ZNF417: variants seen among roughly 807,000 people sequenced by gnomAD.
ZNF417 encodes zinc finger protein 417.
In ZNF417, 5 loss-of-function variants were observed where a neutral mutation model predicts 7.4. That is an observed-to-expected ratio of 0.68 (90% CI 0.35 to 1.43). ZNF417 has a LOEUF of 1.43. Among genes scored for constraint, ZNF417 ranks in the 40% most tolerant of loss-of-function variants. The pLI, the probability that ZNF417 is intolerant of heterozygous loss-of-function variation, is 0.04. For missense variants in ZNF417, 437 were observed against 697.3 expected, an observed-to-expected ratio of 0.63 and a Z score of 4.20; for synonymous variants, 147 against 239.1, an observed-to-expected ratio of 0.61 and a Z score of 3.55.
Position 57,916,538 on chromosome 19 carries a change from A to G in ZNF417, c.-127T>C. The G allele has an allele frequency of 6.5e-7, 1 of 1,545,906 alleles. No homozygotes were observed. The highest frequency in any genetic ancestry group is 8.7e-7 in the Non-Finnish European group (1 of 1,147,842). On this transcript the variant is annotated 5_prime_UTR_variant, in exon 1 of 3. Coordinates refer to ENST00000312026, the MANE Select transcript of ZNF417 (RefSeq NM_152475.3). ...TCAGTCACCGCGGTCCCCCCCCAGCACTCAGGGGCCACAAACTGGGGAAAC... is the reference window on the plus strand; with the variant it reads ...TCAGTCACCGCGGTCCCCCCCCAGCGCTCAGGGGCCACAAACTGGGGAAAC...
chr19:57,911,236 A>G (rs1415610891), intron 2 of ZNF417, among the ~76,000 whole-genome samples: 3 of 152,246 alleles, frequency 2.0e-5, no homozygotes, highest in Non-Finnish European at 4.4e-5. Context: ...GCTGGGGTGG[A>G]TATCACAGTA....
intron 2 of ZNF417, among the ~76,000 whole-genome samples, 179 bp from the exon 3 acceptor site, chr19:57,910,293 C>A (rs2071889158): frequency 6.6e-6 from 1 of 152,190 alleles, no homozygotes; most frequent in African/African-American, 2.4e-5. Flanking sequence ...CGCCTGTAAT[C>A]CCAGCACTTT....
At position 57,908,628 on chromosome 19, in the gene ZNF417, A is replaced by G. The variant is rs141751108; in HGVS notation, c.1650T>C (p.Cys550=). The G allele has an allele frequency of 1.7e-3, 2,763 of 1,612,256 alleles. 60 individuals are homozygous for G. The highest frequency in any genetic ancestry group is 0.016 in the African/African-American group (1,177 of 74,274). Residue 550 remains cysteine (C), a synonymous_variant, in exon 3 of 3, where the codon TGT becomes TGC. Transcript: ENST00000312026. ...RIHTGERPYE[C]TKCGKTFQRS... ...GCTGAAATGTTTTTCCACATTTGGT[A>G]CATTCATAAGGCCTTTCTCCAGTGT... is the stretch of plus-strand genomic sequence containing the variant.
In ZNF417 at chr19:57,912,115, C is replaced by T; in HGVS notation, c.108G>A (p.Gln36=). ...QEEWCLLSEA[Q]RCLYRDVMLE... ...GCATCACATCACGGTACAAGCACCT[C>T]TGAGCCTCACTAAGAAGACACCACT... Residue 36 remains glutamine (Q), a synonymous_variant, in exon 2 of 3, where the codon CAG becomes CAA. Coordinates refer to ENST00000312026, the MANE Select transcript of ZNF417 (RefSeq NM_152475.3). 6.2e-7 allele frequency: 1 copy of T among 1,612,680 alleles called. No homozygotes were observed.
chr19:57,909,839 A>C lies in ZNF417; in HGVS notation c.439T>G (p.Phe147Val), dbSNP rs202002558. ...QHQKQHIGEK[F>V]YRKSVREASF... The stretch of plus-strand genomic sequence containing the variant: ...GCTTCTCTGACACTCTTTCTGTAGA[A>C]TTTCTCTCCAATATGCTGCTTCTGG... The change falls in exon 3 of 3, where the codon TTC becomes GTC. Residue 147 changes from phenylalanine to valine, a missense_variant. Transcript: ENST00000312026. 506 of 1,524,800 alleles carry C rather than the reference A, an allele frequency of 3.3e-4. 10 individuals carry two copies. The highest frequency in any genetic ancestry group is 4.3e-4 in the Non-Finnish European group (489 of 1,125,562). 94.5% of individuals were successfully genotyped at this position (1,524,800 alleles called of 1,614,324 possible). A position where few individuals can be genotyped will look rare whatever the true frequency, so the allele number is the denominator to read the frequency against.
At chr19:57,916,202 T>C (rs1466969265) in intron 1 of ZNF417, among the ~76,000 whole-genome samples, 177 bp downstream of exon 1, 3 of 144,256 alleles carry the variant, frequency 2.1e-5, no homozygotes, top group Non-Finnish European at 1.5e-5. Flanking sequence ...GTGAACCCAC[T>C]GGACAGTTAC....
rs367761419 is a variant in ZNF417, at chr19:57,910,045, T to C, written c.233A>G (p.Gln78Arg). 8 of 1,534,464 alleles carry C rather than the reference T, an allele frequency of 5.2e-6. No homozygotes were observed. The highest frequency in any genetic ancestry group is 3.9e-5 in the South Asian group (3 of 76,276). The change falls in exon 3 of 3, where the codon CAG becomes CGG. Residue 78 changes from glutamine (Q) to arginine (R), a missense_variant. By Grantham distance (43) the Gln-to-Arg change is conservative (BLOSUM62 1). Transcript: ENST00000312026. The stretch of plus-strand genomic sequence containing the variant: ...AACACCTGCCCTAGGAGTCCTGCTC[T>C]GAGACTCTCTTTGTACAGAAATTCT... ...KQRISVQRES[Q>R]SRTPRAGVSP... is the part of the protein sequence containing the mutation.
In ZNF417 at chr19:57,908,865, T is replaced by C. The variant is rs1395867771; in HGVS notation, c.1413A>G (p.Lys471=). 4 of 1,614,074 alleles carry C rather than the reference T, an allele frequency of 2.5e-6. No individual in the cohort carries two copies. Among genetic ancestry groups the C allele is most frequent in the Non-Finnish European group, 3.4e-6 (4 of 1,180,056 alleles). ...ERPYACEVCG[K]LFGNKNCVTI... is the part of the protein sequence containing the mutation. ...TCACGCAGTTCTTATTACCAAATAA[T>C]TTCCCACATACCTCACACGCATATG... The change falls in exon 3 of 3, where the codon AAA becomes AAG. Residue 471 remains lysine (K), a synonymous_variant. Coordinates refer to ENST00000312026, the MANE Select transcript of ZNF417 (RefSeq NM_152475.3).
In ZNF417 at chr19:57,916,534, C is replaced by A. The variant is rs1226882063; in HGVS notation, c.-123G>T. ...AGGTTCAGTCACCGCGGTCCCCCCC[C>A]AGCACTCAGGGGCCACAAACTGGGG... On this transcript the variant is annotated 5_prime_UTR_variant, in exon 1 of 3. Transcript: ENST00000312026. The A allele has an allele frequency of 1.3e-5, 21 of 1,561,112 alleles. No individual in the cohort carries two copies. The highest frequency in any genetic ancestry group is 1.8e-5 in the Non-Finnish European group (21 of 1,154,472).
At position 57,906,622 on chromosome 19, in the gene ZNF417, G is replaced by A. The variant is rs1449620470; in HGVS notation, c.*1928C>T. On this transcript the variant is annotated 3_prime_UTR_variant, in exon 3 of 3. Transcript: ENST00000312026. Reference sequence around the variant, plus strand: ...CTAAAAATACAAAAATTAGGTGGGCGTGGTGGAGGGAACCTATAGGCCCAG... The same window carrying A: ...CTAAAAATACAAAAATTAGGTGGGCATGGTGGAGGGAACCTATAGGCCCAG... 2.7e-5 allele frequency among the ~76,000 whole-genome samples: 4 copies of A among 150,004 alleles called. No homozygotes were observed. The highest frequency in any genetic ancestry group is 4.4e-5 in the Non-Finnish European group (3 of 67,504).
intron 1 of ZNF417, 147 bp downstream of exon 1, chr19:57,916,232 A>G (rs1018136223): frequency 9.5e-6 from 14 of 1,471,094 alleles, no homozygotes; most frequent in Middle Eastern, 2.3e-4. Flanking sequence ...CCCACTGGAC[A>G]GTTACACAGG....
chr19:57,910,949 G>A (rs1229081496), intron 2 of ZNF417, among the ~76,000 whole-genome samples: 1 of 152,208 alleles, frequency 6.6e-6, no homozygotes, highest in Admixed American at 6.5e-5. Context: ...GGCGGCTGAG[G>A]CAGGAAAATC....
intron 1 of ZNF417, 130 bp downstream of exon 1, chr19:57,916,249 T>G: frequency 6.4e-7 from 1 of 1,550,948 alleles, no homozygotes; most frequent in South Asian, 1.2e-5. Flanking sequence ...CAGGGACCCC[T>G]CCTGCGAGCG....
chr19:57,911,925 A>ACACACACCTTACTCCTACGAAC lies in ZNF417; in HGVS notation c.163+134_163+135insGTTCGTAGGAGTAAGGTGTGTG, dbSNP rs2071901934. ...GTGCTTAAGGAAAGGAAAAGGCAAT[A>ACACACACCTTACTCCTACGAAC]CACACAACTTACATAGAGAAGTGTA... On this transcript the variant is annotated intron_variant, in intron 2 of 2. Transcript: ENST00000312026. 7 of 1,429,432 alleles carry ACACACACCTTACTCCTACGAAC rather than the reference A, an allele frequency of 4.9e-6. No individual in the cohort carries two copies. In the South Asian group the frequency reaches 1.1e-4, roughly 23 times the overall value. 88.5% of individuals were successfully genotyped at this position (1,429,432 alleles called of 1,614,324 possible).
In ZNF417 at chr19:57,909,134, A is replaced by G. The variant is rs1269822147; in HGVS notation, c.1144T>C (p.Cys382Arg). 2 of 1,613,962 alleles carry G rather than the reference A, an allele frequency of 1.2e-6. No individual in the cohort carries two copies. Among genetic ancestry groups the G allele is most frequent in the Non-Finnish European group, 1.7e-6 (2 of 1,180,032 alleles). Residue 382 changes from cysteine (C) to arginine (R), a missense_variant, in exon 3 of 3, where the codon TGT (cysteine) becomes CGT (arginine). Around this residue, in one of 5 missense-constraint regions of ZNF417, gnomAD observed 233 missense variants for 235.5 expected, o/e 0.99. Coordinates refer to ENST00000312026, the MANE Select transcript of ZNF417 (RefSeq NM_152475.3). Reference sequence around the variant, plus strand: ...CCAAAAGATTTTCCACATTCTCCACACTTGTAAGGCCTTTCTCCAGTGTGA... The same window carrying G: ...CCAAAAGATTTTCCACATTCTCCACGCTTGTAAGGCCTTTCTCCAGTGTGA... ...RVHTGERPYKCGECGKSFGQK... is the reference protein window; with the variant it reads ...RVHTGERPYKRGECGKSFGQK...
intron 1 of ZNF417, among the ~76,000 whole-genome samples, chr19:57,916,078 A>G (rs1289505640): frequency 6.6e-6 from 1 of 152,246 alleles, no homozygotes; most frequent in Non-Finnish European, 1.5e-5. Flanking sequence ...GACTGATTTG[A>G]GTAATAATAA....
In ZNF417 at chr19:57,906,572, C is replaced by T. The variant is rs1321538360; in HGVS notation, c.*1978G>A. ...GGTCACAAGTTTGAGACCAGCCTGGCTAACGTAGTGAAAGCCCATCTCTAC... is the reference window on the plus strand; with the variant it reads ...GGTCACAAGTTTGAGACCAGCCTGGTTAACGTAGTGAAAGCCCATCTCTAC... On this transcript the variant is annotated 3_prime_UTR_variant, in exon 3 of 3. Transcript: ENST00000312026. 6.6e-6 allele frequency among the ~76,000 whole-genome samples: 1 copy of T among 151,316 alleles called. No homozygotes were observed. The highest frequency in any genetic ancestry group is 1.5e-5 in the Non-Finnish European group (1 of 67,896).
rs2071824990 is a variant in ZNF417, at chr19:57,906,153, A to T, written c.*2397T>A. Among the ~76,000 whole-genome samples, 1 of 151,946 alleles carries T rather than the reference A, an allele frequency of 6.6e-6. No individual in the cohort carries two copies. The highest frequency in any genetic ancestry group is 2.1e-4 in the South Asian group (1 of 4,818). ...TTTACACCACAAGAGACAGACACATACTCTTCAGGGTGTATGGTCATAATT... is the reference window on the plus strand; with the variant it reads ...TTTACACCACAAGAGACAGACACATTCTCTTCAGGGTGTATGGTCATAATT... On this transcript the variant is annotated 3_prime_UTR_variant, in exon 3 of 3. Coordinates refer to ENST00000312026, the MANE Select transcript of ZNF417 (RefSeq NM_152475.3).
Position 57,916,494 on chromosome 19 carries a change from T to C in ZNF417, c.-83A>G, listed in dbSNP as rs1378015335. ...GCCGCCTCTGGGCACCGAGGACGATTCCTCTCCACCTTCTAGGTTCAGTCA... is the reference window on the plus strand; with the variant it reads ...GCCGCCTCTGGGCACCGAGGACGATCCCTCTCCACCTTCTAGGTTCAGTCA... On this transcript the variant is annotated 5_prime_UTR_variant, in exon 1 of 3. Coordinates refer to ENST00000312026, the MANE Select transcript of ZNF417 (RefSeq NM_152475.3). 18 of 1,609,528 alleles carry C rather than the reference T, an allele frequency of 1.1e-5. No individual in the cohort carries two copies. The highest frequency in any genetic ancestry group is 8.9e-5 in the East Asian group (4 of 44,778).
Sources: gnomAD v4.1 joint callset for allele counts (sites outside exome capture counted in the v4.1 genomes callset) on GRCh38, gnomAD v4.1.1 for gene constraint, gnomAD v4.1.1 regional missense constraint, MANE v1.5 for transcripts, NCBI Gene and HGNC (gene_info 2026-07-23, HGNC 2026-07-21) for gene names.